PLCB4: variants seen among roughly 807,000 people sequenced by gnomAD.
PLCB4 encodes 1-phosphatidylinositol 4,5-bisphosphate phosphodiesterase beta-4.
In PLCB4, 77 loss-of-function variants were observed where a neutral mutation model predicts 178.8. That is an observed-to-expected ratio of 0.43 (90% confidence interval 0.36 to 0.52). The LOEUF is 0.52. Among genes scored for constraint, PLCB4 ranks in the 20% least tolerant of loss-of-function variants. The pLI, the probability that PLCB4 is intolerant of heterozygous loss-of-function variation, is 0.00. For missense variants in PLCB4, 1,024 were observed against 1,453.4 expected (o/e 0.70, Z 4.80); for synonymous variants, 496 against 490.8 (o/e 1.01, Z -0.14).
chr20:9,172,352 C>T (rs1217025141), intron 2 of PLCB4, among the ~76,000 whole-genome samples: 1 of 152,148 alleles, frequency 6.6e-6, no homozygotes, highest in Admixed American at 6.6e-5. Flanking sequence ...TCATTTTCTA[C>T]ATACATCCTA....
intron 7 of PLCB4, among the ~76,000 whole-genome samples, chr20:9,345,766 A>G (rs1399319600): frequency 6.6e-6 from 1 of 152,206 alleles, no homozygotes; most frequent in Non-Finnish European, 1.5e-5. Flanking sequence ...AATAACTACT[A>G]TAGAAATTAA....
chr20:9,300,499 G>A (rs952482546), intron 3 of PLCB4, among the ~76,000 whole-genome samples: 9 of 152,252 alleles, frequency 5.9e-5, no homozygotes, highest in Middle Eastern at 3.4e-3. Flanking sequence ...AAAAAATGAA[G>A]AACACCTTGT....
At chr20:9,183,484 G>T (rs1272636363) in intron 2 of PLCB4, among the ~76,000 whole-genome samples, 1 of 152,162 alleles carries the variant, frequency 6.6e-6, no homozygotes, top group Non-Finnish European at 1.5e-5. Context: ...ACATAAGAAA[G>T]AAGAAAAGCT....
At chr20:9,125,754 C>T (rs1006219114) in intron 2 of PLCB4, among the ~76,000 whole-genome samples, 7 of 152,166 alleles carry the variant, frequency 4.6e-5, no homozygotes, top group African/African-American at 7.2e-5. Flanking sequence ...TCCAGTGTCT[C>T]GTGTCTGTCT....
intron 3 of PLCB4, among the ~76,000 whole-genome samples, chr20:9,218,133 G>A (rs1388360928): frequency 6.6e-6 from 1 of 151,934 alleles, no homozygotes; most frequent in Non-Finnish European, 1.5e-5. Flanking sequence ...TTTTTGAGAC[G>A]GAATTCTCGC....
chr20:9,108,331 G>A (rs1012905525), intron 2 of PLCB4, among the ~76,000 whole-genome samples: 1 of 152,112 alleles, frequency 6.6e-6, no homozygotes, highest in Non-Finnish European at 1.5e-5. Flanking sequence ...CACTTAGAGG[G>A]TGGGGAGATA....
At chr20:9,322,889 C>A (rs143004802) in intron 4 of PLCB4, among the ~76,000 whole-genome samples, 63 of 152,294 alleles carry the variant, frequency 4.1e-4, no homozygotes, top group African/African-American at 1.5e-3. Flanking sequence ...AGAGATGTGA[C>A]CATGAGTCAG....
intron 32 of PLCB4, among the ~76,000 whole-genome samples, chr20:9,447,716 A>G (rs879392175): frequency 2.0e-5 from 3 of 152,256 alleles, no homozygotes; most frequent in Non-Finnish European, 4.4e-5. Flanking sequence ...ACACAGCTTC[A>G]TTAAATCATC....
At chr20:9,256,878 T>G (rs2094241871) in intron 3 of PLCB4, among the ~76,000 whole-genome samples, 1 of 152,244 alleles carries the variant, frequency 6.6e-6, no homozygotes, top group Non-Finnish European at 1.5e-5. Context: ...TGTTTACATG[T>G]GACTCTAGTA....
At chr20:9,440,138 C>T (rs1226830050) in intron 30 of PLCB4, among the ~76,000 whole-genome samples, 1 of 152,214 alleles carries the variant, frequency 6.6e-6, no homozygotes, top group African/African-American at 2.4e-5. Flanking sequence ...GGTGAAAGTA[C>T]AGATGCTCCT....
intron 27 of PLCB4, among the ~76,000 whole-genome samples, chr20:9,422,706 T>C (rs2040728709): frequency 6.6e-6 from 1 of 152,228 alleles, no homozygotes; most frequent in Non-Finnish European, 1.5e-5. Context: ...TTTTCATTGC[T>C]AGCAAGTGCT....
chr20:9,092,573 T>C (rs2090732570), intron 1 of PLCB4, among the ~76,000 whole-genome samples: 1 of 152,132 alleles, frequency 6.6e-6, no homozygotes, highest in African/African-American at 2.4e-5. Flanking sequence ...TGCTGGTGTA[T>C]ATATTAGAAT....
intron 4 of PLCB4, among the ~76,000 whole-genome samples, chr20:9,313,643 A>T (rs1568569808): frequency 6.6e-6 from 1 of 152,182 alleles, no homozygotes. Context: ...TCTTGCCATG[A>T]GTCCTGTTTT....
chr20:9,294,332 T>C (rs1159824265), intron 3 of PLCB4, among the ~76,000 whole-genome samples: 4 of 152,094 alleles, frequency 2.6e-5, no homozygotes, highest in Non-Finnish European at 5.9e-5. Flanking sequence ...ATTTACTTTC[T>C]TCAAGTTGCC....
At chr20:9,399,909 A>G (rs6056595) in intron 19 of PLCB4, among the ~76,000 whole-genome samples, 69,594 of 152,136 alleles carry the variant, frequency 0.46, 18,823 homozygotes, top group African/African-American at 0.77. Context: ...TGGAAGAACT[A>G]TGTTAAGAAT....
intron 2 of PLCB4, among the ~76,000 whole-genome samples, chr20:9,158,413 G>C (rs556590265): frequency 3.3e-4 from 50 of 150,938 alleles, no homozygotes; most frequent in Non-Finnish European, 6.6e-4. Context: ...CTATGGGCAA[G>C]TGTCTCCACA....
chr20:9,435,948 T>G (rs1399218455), intron 29 of PLCB4, among the ~76,000 whole-genome samples: 1 of 152,178 alleles, frequency 6.6e-6, no homozygotes, highest in Non-Finnish European at 1.5e-5. Flanking sequence ...AAAATGTAGG[T>G]GGAGCATTTC....
intron 1 of PLCB4, among the ~76,000 whole-genome samples, chr20:9,092,388 G>A (rs1375216313): frequency 1.3e-5 from 2 of 152,088 alleles, no homozygotes; most frequent in Non-Finnish European, 2.9e-5. Flanking sequence ...GATTCTCTCT[G>A]AAGCCTGTTG....
intron 7 of PLCB4, among the ~76,000 whole-genome samples, chr20:9,344,847 C>T (rs1016261056): frequency 2.6e-5 from 4 of 152,274 alleles, no homozygotes; most frequent in East Asian, 1.9e-4. Flanking sequence ...TCCTTCCTGT[C>T]GTTACAGTTA....
Sources: allele counts gnomAD v4.1 joint callset (sites outside exome capture counted in the v4.1 genomes callset), GRCh38; gene constraint gnomAD v4.1.1; transcripts MANE v1.5; gene names NCBI Gene and HGNC (gene_info 2026-07-23, HGNC 2026-07-21).